Variants in FAM133A observed in about 807,000 individuals in gnomAD.
FAM133A encodes the protein family with sequence similarity 133 member A.
For synonymous variants in FAM133A, 65 were observed against 58.6 expected (o/e 1.11, Z -0.50); for missense variants, 159 against 164.4 (o/e 0.97, Z 0.18).
chrX:93,685,503 T>C (rs1296222047), intron 2 of FAM133A, among the ~76,000 whole-genome samples: 1 of 112,027 alleles, frequency 8.9e-6, no homozygotes, highest in Non-Finnish European at 1.9e-5. Context: ...TATAAGTTTA[T>C]AATATGCTTA....
intron 2 of FAM133A, among the ~76,000 whole-genome samples, chrX:93,697,562 T>C (rs781556570): frequency 3.6e-5 from 4 of 112,093 alleles, no homozygotes; most frequent in Middle Eastern, 4.7e-3. Context: ...AAACAAGATA[T>C]ACTACTGCAT....
intron 2 of FAM133A, among the ~76,000 whole-genome samples, chrX:93,675,487 A>C (rs1424851409): frequency 9.0e-6 from 1 of 111,374 alleles, no homozygotes; most frequent in African/African-American, 3.3e-5. Context: ...GGCCATTTCT[A>C]TACCATCTCT....
intron 2 of FAM133A, among the ~76,000 whole-genome samples, chrX:93,675,038 T>C (rs1398018281): frequency 8.9e-6 from 1 of 112,379 alleles, no homozygotes; most frequent in Non-Finnish European, 1.9e-5. Flanking sequence ...TAAAGTTAGA[T>C]TAATCTTTAT....
intron 2 of FAM133A, among the ~76,000 whole-genome samples, chrX:93,697,188 TATA>T (rs1569350997): frequency 1.9e-3 from 84 of 44,059 alleles, no homozygotes; most frequent in Non-Finnish European, 3.8e-3. Flanking sequence ...TATATATATA[TATA>T]ATATATCATA....
chrX:93,686,631 C>T (rs1304384053), intron 2 of FAM133A, among the ~76,000 whole-genome samples: 1 of 111,989 alleles, frequency 8.9e-6, no homozygotes, highest in Non-Finnish European at 1.9e-5. Flanking sequence ...CCAGAATAGT[C>T]TAATCATGAT....
chrX:93,709,133 G>A (rs1410878140), intron 3 of FAM133A, among the ~76,000 whole-genome samples, 184 bp from the exon 4 acceptor site: 3 of 111,621 alleles, frequency 2.7e-5, no homozygotes, highest in African/African-American at 9.8e-5. Flanking sequence ...TTTATATTAT[G>A]TTTATACCAC....
At chrX:93,689,052 T>G (rs1327766595) in intron 2 of FAM133A, among the ~76,000 whole-genome samples, 2 of 21,645 alleles carry the variant, frequency 9.2e-5, no homozygotes, top group Non-Finnish European at 1.0e-4. Flanking sequence ...TAACAGCAAT[T>G]TTTTTTTTTT....
intron 2 of FAM133A, among the ~76,000 whole-genome samples, chrX:93,686,868 TAA>T (rs1401679913): frequency 8.9e-6 from 1 of 112,336 alleles, no homozygotes; most frequent in Non-Finnish European, 1.9e-5. Flanking sequence ...AGGGCTATTT[TAA>T]CAAGTCTAGA....
chrX:93,694,335 A>T (rs1377661244), intron 2 of FAM133A, among the ~76,000 whole-genome samples: 2 of 111,193 alleles, frequency 1.8e-5, no homozygotes, highest in Non-Finnish European at 3.8e-5. Flanking sequence ...CATTCTTGAG[A>T]TCTCTTTAAA....
intron 2 of FAM133A, among the ~76,000 whole-genome samples, chrX:93,696,673 C>T (rs1926299481): frequency 1.8e-5 from 2 of 111,557 alleles, no homozygotes; most frequent in African/African-American, 6.5e-5. Flanking sequence ...GTAATCCCAG[C>T]AATTTGGGAG....
chrX:93,702,218 C>T (rs1243501355), intron 3 of FAM133A, among the ~76,000 whole-genome samples: 3 of 111,153 alleles, frequency 2.7e-5, no homozygotes, highest in East Asian at 5.7e-4. Context: ...TTTCTATTAT[C>T]GTTCTGCAGT....
intron 3 of FAM133A, among the ~76,000 whole-genome samples, chrX:93,702,921 C>T (rs1473282366): frequency 9.3e-6 from 1 of 107,721 alleles, no homozygotes; most frequent in Non-Finnish European, 1.9e-5. Flanking sequence ...GGCACTGTGG[C>T]TCACGCCTGT....
At chrX:93,685,461 C>T (rs1925449731) in intron 2 of FAM133A, among the ~76,000 whole-genome samples, 1 of 111,444 alleles carries the variant, frequency 9.0e-6, no homozygotes, top group Non-Finnish European at 1.9e-5. Flanking sequence ...ATGATGTGTA[C>T]CTAATTTAGC....
chrX:93,690,340 G>T (rs764303803), intron 2 of FAM133A, among the ~76,000 whole-genome samples: 1 of 111,202 alleles, frequency 9.0e-6, no homozygotes, highest in East Asian at 2.8e-4. Flanking sequence ...GAATTTTCCT[G>T]TCTCCCCAGA....
chrX:93,701,852 A>G (rs1056835025), intron 3 of FAM133A, among the ~76,000 whole-genome samples: 3 of 111,586 alleles, frequency 2.7e-5, no homozygotes, highest in Non-Finnish European at 5.7e-5. Flanking sequence ...AAAGGGTCAA[A>G]GCTTGCAAAT....
chrX:93,709,120 T>C (rs1163436480), intron 3 of FAM133A, among the ~76,000 whole-genome samples, 197 bp from the exon 4 acceptor site: 1 of 111,976 alleles, frequency 8.9e-6, no homozygotes, highest in Admixed American at 9.5e-5. Context: ...AAAACACTTT[T>C]AGTTTATATT....
In FAM133A at chrX:93,710,390, A is replaced by C. The variant is rs914555433; in HGVS notation, c.*224A>C. On this transcript the variant is annotated 3_prime_UTR_variant, in exon 4 of 4. Transcript: ENST00000683942. ...TCATACCAGTGAATAAAATGTTTGAAATTAAAGTAAAATGTGTTAGATAAT... is the reference window on the plus strand; with the variant it reads ...TCATACCAGTGAATAAAATGTTTGACATTAAAGTAAAATGTGTTAGATAAT... 6.7e-5 allele frequency: 21 copies of C among 313,973 alleles called. No homozygotes were observed. Among genetic ancestry groups the C allele is most frequent in the African/African-American group, 5.8e-4 (21 of 36,392 alleles). The allele number at this position is 313,973 out of a possible 1,213,427, so 25.9% of individuals were successfully genotyped here.
At chrX:93,702,837 T>TAAAAAAAA (rs33985910) in intron 3 of FAM133A, among the ~76,000 whole-genome samples, 9 of 43,034 alleles carry the variant, frequency 2.1e-4, no homozygotes, top group East Asian at 9.7e-4. Flanking sequence ...ATAGCTATGA[T>TAAAAAAAA]AAAAAAAAAA....
chrX:93,700,054 A>G (rs1007460029), intron 3 of FAM133A, among the ~76,000 whole-genome samples: 11 of 110,456 alleles, frequency 1.0e-4, no homozygotes, highest in African/African-American at 3.6e-4. Context: ...TTTTAATTGA[A>G]CTAGGATTAA....
Sources: allele counts gnomAD v4.1 joint callset (sites outside exome capture counted in the v4.1 genomes callset), GRCh38; gene constraint gnomAD v4.1.1; transcripts MANE v1.5; gene names NCBI Gene and HGNC (gene_info 2026-07-23, HGNC 2026-07-21).